SMG6: variants seen among roughly 807,000 people sequenced by gnomAD.
SMG6 encodes the protein telomerase-binding protein EST1A.
In SMG6, 66 loss-of-function variants were observed where a neutral mutation model predicts 142.2. The observed-to-expected ratio is 0.46, with a 90% CI of 0.38 to 0.57. The LOEUF (loss-of-function observed/expected upper bound fraction) is 0.57. Among genes scored for constraint, SMG6 ranks in the 20% least tolerant of loss-of-function variants. SMG6 has a pLI of 0.00. For synonymous variants in SMG6, 779 were observed against 702.4 expected (o/e 1.11, Z -1.72); for missense variants, 1,793 against 1,832.0 (o/e 0.98, Z 0.39).
chr17:2,135,845 T>C (rs915202377), intron 13 of SMG6, among the ~76,000 whole-genome samples: 1 of 151,956 alleles, frequency 6.6e-6, no homozygotes. Context: ...GCTACCACCA[T>C]GCCCAGCTAA....
At chr17:2,210,046 G>A (rs895253861) in intron 10 of SMG6, among the ~76,000 whole-genome samples, 3 of 152,106 alleles carry the variant, frequency 2.0e-5, no homozygotes, top group African/African-American at 4.8e-5. Context: ...ACTTGGTGGG[G>A]AGAGAGAGGG....
chr17:2,148,395 T>C lies in SMG6; in HGVS notation c.3357+24263A>G, dbSNP rs144084846. The stretch of plus-strand genomic sequence containing the variant: ...AGGTGAATGGACACACAAATTGTGG[T>C]AGATGTATGCATACAACAGAATATT... On this transcript the variant is annotated intron_variant, in intron 13 of 18. Transcript: ENST00000263073. Among the ~76,000 whole-genome samples, 94 of 152,320 alleles carry C rather than the reference T, an allele frequency of 6.2e-4. 1 individual carries two copies. Among genetic ancestry groups the C allele is most frequent in the African/African-American group, 2.1e-3 (86 of 41,572 alleles).
In SMG6 at chr17:2,297,261, G is replaced by C; in HGVS notation, c.2133C>G (p.Ser711Arg). The change falls in exon 4 of 19, where the codon AGC becomes AGG. Residue 711 changes from serine to arginine, a missense_variant. Physicochemically the swap from Ser to Arg is moderately radical, Grantham distance 110. Around this residue, in one of 3 missense-constraint regions of SMG6, gnomAD observed 1,597 missense variants for 1,584.6 expected, o/e 1.01. Transcript: ENST00000263073. ...EDYMDGLAIR[S>R]KPLRKTVKYA... ...AGCTTACTGTCTTGCGTAATGGCTT[G>C]CTGCGAATGGCAAGACCATCCATGT... 1 of 1,604,406 alleles carries C rather than the reference G, an allele frequency of 6.2e-7. No individual in the cohort carries two copies. The highest frequency in any genetic ancestry group is 8.5e-7 in the Non-Finnish European group (1 of 1,176,954).
intron 3 of SMG6, 40 bp downstream of exon 3, chr17:2,297,823 C>G (rs1209657602): frequency 1.3e-6 from 2 of 1,584,704 alleles, no homozygotes; most frequent in Non-Finnish European, 1.7e-6. Flanking sequence ...CTACAGAATG[C>G]TGAAGCCTTT....
intron 13 of SMG6, among the ~76,000 whole-genome samples, chr17:2,110,327 C>A (rs2069276840): frequency 6.6e-6 from 1 of 152,094 alleles, no homozygotes; most frequent in African/African-American, 2.4e-5. Context: ...ACAAAACCTT[C>A]CCACCTTTGA....
chr17:2,227,579 G>A (rs2073354214), intron 10 of SMG6, among the ~76,000 whole-genome samples: 1 of 152,174 alleles, frequency 6.6e-6, no homozygotes. Flanking sequence ...GGCAAGGGGT[G>A]GGATGGAGAT....
At chr17:2,286,930 T>TC (rs1337321589) in intron 6 of SMG6, among the ~76,000 whole-genome samples, 1 of 79,712 alleles carries the variant, frequency 1.3e-5, no homozygotes, top group Non-Finnish European at 2.8e-5. Flanking sequence ...ATAATTTTTT[T>TC]TTTTTTTTTT....
rs1451395096 is a variant in SMG6 at position 2,061,498 on chromosome 17, C to A, written c.4254G>T (p.Val1418=). ...GGGCCCCAGTGTGGCTCCCTCAGCC[C>A]ACCTGGGCCCACGTGAGGAAGGCTG... The part of the protein sequence containing the change: ...DIPAFLTWAQ[V]G Residue 1418 remains valine (V), a synonymous_variant, in exon 19 of 19, where the codon GTG becomes GTT. Transcript: ENST00000263073. 3.2e-6 allele frequency: 5 copies of A among 1,572,498 alleles called. No homozygotes were observed. The African/African-American group carries it at 5.4e-5, about 17-fold the overall frequency.
chr17:2,266,438 A>C (rs894375597), intron 8 of SMG6, among the ~76,000 whole-genome samples: 7 of 152,154 alleles, frequency 4.6e-5, no homozygotes, highest in Non-Finnish European at 1.0e-4. Flanking sequence ...GGGAAGGTAC[A>C]CCATTTACTC....
chr17:2,183,520 A>G (rs2071871370), intron 12 of SMG6, among the ~76,000 whole-genome samples: 1 of 152,182 alleles, frequency 6.6e-6, no homozygotes, highest in Non-Finnish European at 1.5e-5. Flanking sequence ...GCCTGTGGCA[A>G]CTACTCAACT....
chr17:2,072,165 G>A (rs1375103513), intron 15 of SMG6, among the ~76,000 whole-genome samples: 1 of 152,128 alleles, frequency 6.6e-6, no homozygotes, highest in Non-Finnish European at 1.5e-5. Context: ...GTAAAAAGCT[G>A]CAGAAGCCTC....
rs1000570788 is a variant in SMG6, at chr17:2,279,157, T to A, written c.2661+3490A>T. Among the ~76,000 whole-genome samples the A allele has an allele frequency of 2.0e-5, 3 of 152,166 alleles. No homozygotes were observed. In the South Asian group the frequency reaches 6.2e-4, roughly 32 times the overall value. ...AAACGCTTCCTTGAAAACGTGACAT[T>A]TAGGCTGAGACCTGAAGGGTAAGAA... On this transcript the variant is annotated intron_variant, in intron 8 of 18. Transcript: ENST00000263073.
intron 10 of SMG6, among the ~76,000 whole-genome samples, chr17:2,225,478 G>A (rs2151778677): frequency 6.6e-6 from 1 of 152,198 alleles, no homozygotes; most frequent in African/African-American, 2.4e-5. Context: ...ACTCCAGCCT[G>A]GGTGACAGAG....
At chr17:2,275,955 G>A (rs1274254041) in intron 8 of SMG6, among the ~76,000 whole-genome samples, 1 of 152,206 alleles carries the variant, frequency 6.6e-6, no homozygotes, top group African/African-American at 2.4e-5. Context: ...ATGCTTGGCA[G>A]AGAACAGACT....
At chr17:2,064,353 C>T (rs1054261493) in intron 18 of SMG6, among the ~76,000 whole-genome samples, 6 of 152,028 alleles carry the variant, frequency 3.9e-5, no homozygotes, top group Admixed American at 3.9e-4. Flanking sequence ...GCATGAAGGC[C>T]AGCTCAGGGT....
At position 2,283,509 on chromosome 17, in the gene SMG6, C is replaced by T; in HGVS notation, c.2448+116G>A. 3.8e-6 allele frequency: 3 copies of T among 791,646 alleles called. No individual in the cohort carries two copies. In the South Asian group the frequency reaches 4.6e-5, roughly 12 times the overall value. The allele number at this position is 791,646 out of a possible 1,614,324, so 49.0% of individuals were successfully genotyped here. A position where few individuals can be genotyped will look rare whatever the true frequency, so the allele number is the denominator to read the frequency against. ...ACACACAGACACTGAGCAATAACTG[C>T]ACCTTGGATAAACCTCACTGGCTAC... On this transcript the variant is annotated intron_variant, in intron 7 of 18. Transcript: ENST00000263073.
chr17:2,097,317 C>A (rs1389274023), intron 13 of SMG6, among the ~76,000 whole-genome samples: 1 of 151,946 alleles, frequency 6.6e-6, no homozygotes, highest in Admixed American at 6.6e-5. Context: ...ACCACACCTG[C>A]TAATTTCAGG....
intron 18 of SMG6, among the ~76,000 whole-genome samples, chr17:2,063,995 C>CT (rs2067862661): frequency 6.6e-6 from 1 of 152,180 alleles, no homozygotes. Context: ...GACAGGACCT[C>CT]TCTTGAGTAG....
chr17:2,080,813 T>C (rs1394733404), intron 15 of SMG6, among the ~76,000 whole-genome samples: 1 of 152,072 alleles, frequency 6.6e-6, no homozygotes, highest in Non-Finnish European at 1.5e-5. Context: ...TTTTTTGTAT[T>C]TTTAGTAGAG....
Sources: allele counts gnomAD v4.1 joint callset (sites outside exome capture counted in the v4.1 genomes callset), GRCh38; gene constraint gnomAD v4.1.1; regional missense constraint gnomAD v4.1.1; transcripts MANE v1.5; gene names NCBI Gene and HGNC (gene_info 2026-07-23, HGNC 2026-07-21).